Variants in MTMR2 observed in about 807,000 individuals in gnomAD.
MTMR2 encodes the protein myotubularin related protein 2.
In MTMR2, 55 loss-of-function variants were observed where a neutral mutation model predicts 86.9. The ratio of observed to expected loss-of-function variants is 0.63; its 90% CI spans 0.51 to 0.79. The LOEUF (loss-of-function observed/expected upper bound fraction) is 0.79. Ranked by LOEUF, MTMR2 falls within the 30% of genes least tolerant of loss-of-function variation. The probability of loss-of-function intolerance (pLI) is 0.00; values close to 1 mark genes in which losing one functional copy is unlikely to be tolerated. For synonymous variants in MTMR2, 241 were observed against 266.8 expected (o/e 0.90, Z 0.94); for missense variants, 659 against 772.3 (o/e 0.85, Z 1.74).
At chr11:95,870,446 A>G (rs1435327948) in intron 2 of MTMR2, among the ~76,000 whole-genome samples, 2 of 152,204 alleles carry the variant, frequency 1.3e-5, no homozygotes, top group Non-Finnish European at 2.9e-5. Flanking sequence ...ATAATCTACG[A>G]AAGAAATAGA....
chr11:95,849,335 CAGTT>C (rs1001202300), intron 9 of MTMR2, among the ~76,000 whole-genome samples: 10 of 152,000 alleles, frequency 6.6e-5, no homozygotes, highest in African/African-American at 2.4e-4. Context: ...GTCATAAGCT[CAGTT>C]AGTTGTCAAC....
intron 5 of MTMR2, among the ~76,000 whole-genome samples, chr11:95,861,038 T>A (rs957973243): frequency 6.0e-5 from 9 of 151,224 alleles, no homozygotes; most frequent in African/African-American, 2.2e-4. Flanking sequence ...TGGGCGCCTG[T>A]AGTCCCAGCT....
intron 1 of MTMR2, among the ~76,000 whole-genome samples, chr11:95,891,862 G>A (rs900165533): frequency 6.6e-6 from 1 of 152,008 alleles, no homozygotes; most frequent in African/African-American, 2.4e-5. Context: ...GAGGGAGAGA[G>A]AGTGCACAGG....
chr11:95,892,174 A>AT (rs1236831121), intron 1 of MTMR2, among the ~76,000 whole-genome samples: 1 of 151,892 alleles, frequency 6.6e-6, no homozygotes, highest in Non-Finnish European at 1.5e-5. Flanking sequence ...CTCTATGTTT[A>AT]TTTTTTATGA....
At position 95,833,556 on chromosome 11, in the gene MTMR2, G is replaced by A. The variant is rs1361046737; in HGVS notation, c.*1734C>T. ...CTGGAAGGTTCTCAGCAGAGAAGTG[G>A]TAGGGTTGCACTTAGATTTCCCTGG... is the stretch of plus-strand genomic sequence containing the variant. On this transcript the variant is annotated 3_prime_UTR_variant, in exon 15 of 15. Coordinates refer to ENST00000346299, the MANE Select transcript of MTMR2 (RefSeq NM_016156.6). The A allele has an allele frequency of 6.6e-6, 1 of 152,106 alleles. No homozygotes were observed. The highest frequency in any genetic ancestry group is 1.5e-5 in the Non-Finnish European group (1 of 68,008). The allele number at this position is 152,106 out of a possible 1,614,324, so 9.4% of individuals were successfully genotyped here. A position where few individuals can be genotyped will look rare whatever the true frequency, so the allele number is the denominator to read the frequency against.
At chr11:95,864,108 A>T (rs973612667) in intron 3 of MTMR2, among the ~76,000 whole-genome samples, 1 of 152,142 alleles carries the variant, frequency 6.6e-6, no homozygotes, top group Non-Finnish European at 1.5e-5. Flanking sequence ...TGTTGGGTAT[A>T]AGGTTCCTAT....
rs754835510 is a variant in MTMR2, at chr11:95,833,225, GT to G, written c.*2064del. The G allele has an allele frequency of 3.3e-5, 5 of 152,126 alleles. No homozygotes were observed. The highest frequency in any genetic ancestry group is 4.4e-5 in the Non-Finnish European group (3 of 68,022). 9.4% of individuals were successfully genotyped at this position (152,126 alleles called of 1,614,324 possible). A position where few individuals can be genotyped will look rare whatever the true frequency, so the allele number is the denominator to read the frequency against. On this transcript the variant is annotated 3_prime_UTR_variant, in exon 15 of 15. Coordinates refer to ENST00000346299, the MANE Select transcript of MTMR2 (RefSeq NM_016156.6). The stretch of plus-strand genomic sequence containing the variant: ...GTGAACAGCAGAGTAGCATTGGTAC[GT>G]AAAAGTTGAGGTATGCAGAGACTAG...
chr11:95,886,111 G>A (rs924526996), intron 2 of MTMR2, among the ~76,000 whole-genome samples: 1 of 152,090 alleles, frequency 6.6e-6, no homozygotes, highest in South Asian at 2.1e-4. Context: ...ATGTAATGTG[G>A]CATCCTGCAT....
At chr11:95,865,368 G>C (rs1227480709) in intron 3 of MTMR2, 2 of 514,878 alleles carry the variant, frequency 3.9e-6, no homozygotes, top group African/African-American at 3.8e-5. Context: ...CCAGAGAAGA[G>C]GCAAAGTATA....
chr11:95,854,576 C>T (rs1221013444), intron 7 of MTMR2, among the ~76,000 whole-genome samples: 1 of 152,072 alleles, frequency 6.6e-6, no homozygotes, highest in African/African-American at 2.4e-5. Flanking sequence ...AGCAATCCTC[C>T]CACATCCGCC....
intron 2 of MTMR2, among the ~76,000 whole-genome samples, chr11:95,887,313 C>T (rs1204863043): frequency 6.6e-6 from 1 of 151,966 alleles, no homozygotes. Flanking sequence ...GGTGAGGATA[C>T]AAGAAGACAT....
intron 1 of MTMR2, chr11:95,914,209 C>T: frequency 1.0e-6 from 1 of 973,064 alleles, no homozygotes; most frequent in South Asian, 4.7e-5. Flanking sequence ...AACTTTTGTC[C>T]ATTTTTATAT....
At chr11:95,883,041 C>T (rs535577984) in intron 2 of MTMR2, among the ~76,000 whole-genome samples, 155 of 151,686 alleles carry the variant, frequency 1.0e-3, no homozygotes, top group African/African-American at 3.4e-3. Context: ...CCACCGCGCC[C>T]GGCCAAAAGA....
At chr11:95,913,649 A>G (rs912324623) in intron 1 of MTMR2, among the ~76,000 whole-genome samples, 3 of 152,168 alleles carry the variant, frequency 2.0e-5, no homozygotes, top group African/African-American at 7.2e-5. Context: ...AAAAGATGAT[A>G]TAATTCATTT....
intron 1 of MTMR2, among the ~76,000 whole-genome samples, chr11:95,900,146 A>T (rs189660229): frequency 2.6e-5 from 4 of 152,260 alleles, no homozygotes; most frequent in African/African-American, 9.6e-5. Context: ...TTTGGCTAGG[A>T]TGTGGTATGT....
At chr11:95,875,305 T>G (rs1865064586) in intron 2 of MTMR2, among the ~76,000 whole-genome samples, 1 of 152,194 alleles carries the variant, frequency 6.6e-6, no homozygotes, top group Non-Finnish European at 1.5e-5. Flanking sequence ...CTTTTCATTC[T>G]TTTTTCTCTA....
In MTMR2 at chr11:95,834,611, T is replaced by G. The variant is rs776788118; in HGVS notation, c.*679A>C. 1.3e-5 allele frequency: 2 copies of G among 152,400 alleles called. No homozygotes were observed. The highest frequency in any genetic ancestry group is 2.1e-4 in the South Asian group (1 of 4,842). The allele number at this position is 152,400 out of a possible 1,614,324, so 9.4% of individuals were successfully genotyped here. On this transcript the variant is annotated 3_prime_UTR_variant, in exon 15 of 15. Transcript: ENST00000346299. ...TTCTTTGAACTCCTGTATGGCTACTTTCTCCCCTTCATTTTCCCCCAAGCA... is the reference window on the plus strand; with the variant it reads ...TTCTTTGAACTCCTGTATGGCTACTGTCTCCCCTTCATTTTCCCCCAAGCA...
chr11:95,905,334 C>CACACACACACACACACACACACACACA (rs1866224391), intron 1 of MTMR2, among the ~76,000 whole-genome samples: 1 of 4,014 alleles, frequency 2.5e-4, no homozygotes, highest in African/African-American at 6.1e-4. Flanking sequence ...CACCTGCGCA[C>CACACACACACACACACACACACACACA]ACACACACAC....
At chr11:95,910,111 A>G (rs527557818) in intron 1 of MTMR2, among the ~76,000 whole-genome samples, 4 of 145,620 alleles carry the variant, frequency 2.7e-5, no homozygotes, top group East Asian at 4.0e-4. Context: ...ACACACACAC[A>G]CACGCACGCA....
Sources: gnomAD v4.1 joint callset for allele counts (sites outside exome capture counted in the v4.1 genomes callset) on GRCh38, gnomAD v4.1.1 for gene constraint, MANE v1.5 for transcripts, NCBI Gene and HGNC (gene_info 2026-07-23, HGNC 2026-07-21) for gene names.